MAP2K5: variants seen among roughly 807,000 people sequenced by gnomAD.
MAP2K5 encodes dual specificity mitogen-activated protein kinase kinase 5.
Under a neutral mutation model 83.1 loss-of-function variants are expected in MAP2K5, and 49 were observed. The observed-to-expected ratio is 0.59, with a 90% CI of 0.47 to 0.75. The LOEUF (loss-of-function observed/expected upper bound fraction) is 0.75, where lower values mean the gene tolerates loss of function less well. Among genes scored for constraint, MAP2K5 ranks in the 30% least tolerant of loss-of-function variants. MAP2K5 has a pLI of 0.00. For synonymous variants in MAP2K5, 202 were observed against 191.8 expected (o/e 1.05, Z -0.44); for missense variants, 457 against 557.5 (o/e 0.82, Z 1.82).
chr15:67,701,301 T>C (rs1252956421), intron 15 of MAP2K5, among the ~76,000 whole-genome samples: 1 of 152,234 alleles, frequency 6.6e-6, no homozygotes, highest in Admixed American at 6.5e-5. Flanking sequence ...AAGGAACTTA[T>C]TTGTTCATGC....
intron 19 of MAP2K5, among the ~76,000 whole-genome samples, chr15:67,754,148 G>A (rs550281603): frequency 7.4e-4 from 112 of 152,326 alleles, no homozygotes; most frequent in African/African-American, 2.6e-3. Context: ...GGGGAGAAGG[G>A]AATTGAGAAT....
At chr15:67,557,273 C>T (rs1405744204) in intron 2 of MAP2K5, among the ~76,000 whole-genome samples, 2 of 152,128 alleles carry the variant, frequency 1.3e-5, no homozygotes, top group South Asian at 2.1e-4. Context: ...GATTGGTGTT[C>T]GTGGACAGTA....
intron 17 of MAP2K5, among the ~76,000 whole-genome samples, chr15:67,739,689 C>T (rs1477268480): frequency 1.3e-5 from 2 of 151,388 alleles, no homozygotes; most frequent in African/African-American, 4.9e-5. Context: ...CCATGTTGGG[C>T]AGGCTGATCT....
In MAP2K5 at chr15:67,559,727, T is replaced by G. The variant is rs1336604073; in HGVS notation, c.185-3556T>G. Among the ~76,000 whole-genome samples, 1 of 152,180 alleles carries G rather than the reference T, an allele frequency of 6.6e-6. No individual in the cohort carries two copies. Among genetic ancestry groups the G allele is most frequent in the Admixed American group, 6.5e-5 (1 of 15,286 alleles). ...TCCCTAATGTGCTGGAAAATCATAT[T>G]ACTATGCTCCAGGCAACTAGAGAAG... is the stretch of plus-strand genomic sequence containing the variant. On this transcript the variant is annotated intron_variant, in intron 2 of 21. Transcript: ENST00000178640. This position sits in a 1 kb window ranked among gnomAD's most constrained non-coding sequence, Gnocchi z 4.7.
In MAP2K5 at chr15:67,772,671, C is replaced by A. The variant is rs1390112537; in HGVS notation, c.1197-36C>A. 2.8e-6 allele frequency: 4 copies of A among 1,417,084 alleles called. No homozygotes were observed. The South Asian group carries it at 4.2e-5, about 15-fold the overall frequency. The allele number at this position is 1,417,084 out of a possible 1,614,324, so 87.8% of individuals were successfully genotyped here. On this transcript the variant is annotated intron_variant, in intron 20 of 21. Coordinates refer to ENST00000178640, the MANE Select transcript of MAP2K5 (RefSeq NM_145160.3). Reference sequence around the variant, plus strand: ...TTATAGCAAAAATATACAAATGACACAGATAACATAAGGGGTTTTTTTCTC... The same window carrying A: ...TTATAGCAAAAATATACAAATGACAAAGATAACATAAGGGGTTTTTTTCTC...
chr15:67,704,612 T>C (rs1202549486), intron 16 of MAP2K5, among the ~76,000 whole-genome samples: 2 of 152,222 alleles, frequency 1.3e-5, no homozygotes, highest in African/African-American at 4.8e-5. Flanking sequence ...TTAAATCATA[T>C]TCTTCTGCTT....
chr15:67,614,805 A>C (rs1158866540), intron 8 of MAP2K5, among the ~76,000 whole-genome samples: 1 of 152,220 alleles, frequency 6.6e-6, no homozygotes, highest in Non-Finnish European at 1.5e-5. Context: ...GTAAACAGAA[A>C]GAAGAAATGG....
intron 6 of MAP2K5, 25 bp from the exon 7 acceptor site, chr15:67,592,901 A>G (rs1176266093): frequency 4.4e-6 from 7 of 1,580,064 alleles, no homozygotes; most frequent in Non-Finnish European, 6.1e-6. Flanking sequence ...TGATCTTGCC[A>G]CTAAAAATTA....
At chr15:67,791,245 AG>A (rs1222170185) in intron 21 of MAP2K5, among the ~76,000 whole-genome samples, 1 of 152,194 alleles carries the variant, frequency 6.6e-6, no homozygotes, top group African/African-American at 2.4e-5. Context: ...AAACAGGAAA[AG>A]GGGCATTGGA....
At chr15:67,632,868 A>G (rs1340740430) in intron 9 of MAP2K5, among the ~76,000 whole-genome samples, 1 of 152,252 alleles carries the variant, frequency 6.6e-6, no homozygotes, top group Non-Finnish European at 1.5e-5. Flanking sequence ...TATCACATCT[A>G]GTACAGCACC....
intron 3 of MAP2K5, among the ~76,000 whole-genome samples, chr15:67,568,745 T>G (rs1390802901): frequency 6.6e-6 from 1 of 151,890 alleles, no homozygotes; most frequent in Admixed American, 6.6e-5. Context: ...GGTGGCTCAC[T>G]CCTGTAATCC....
At chr15:67,627,757 A>G in intron 8 of MAP2K5, 1 of 299,616 alleles carries the variant, frequency 3.3e-6, no homozygotes. Flanking sequence ...TGTAAATTAT[A>G]TCTCAATAAA....
At position 67,777,930 on chromosome 15, in the gene MAP2K5, A is replaced by C. The variant is rs1052974800; in HGVS notation, c.1242+5178A>C. On this transcript the variant is annotated intron_variant, in intron 21 of 21. Coordinates refer to ENST00000178640, the MANE Select transcript of MAP2K5 (RefSeq NM_145160.3). This position sits in a 1 kb window ranked among gnomAD's most constrained non-coding sequence, Gnocchi z 6.0. ...AAATTTGACATTTTGCTTAGACAGC[A>C]AGTAAATAGTGGCATTAGAAATACA... is the stretch of plus-strand genomic sequence containing the variant. Among the ~76,000 whole-genome samples the C allele has an allele frequency of 1.1e-4, 16 of 152,358 alleles. No homozygotes were observed. The highest frequency in any genetic ancestry group is 3.8e-4 in the African/African-American group (16 of 41,584).
intron 21 of MAP2K5, among the ~76,000 whole-genome samples, chr15:67,792,020 A>G (rs2090526545): frequency 6.6e-6 from 1 of 152,224 alleles, no homozygotes; most frequent in Non-Finnish European, 1.5e-5. Context: ...CACCAGGCAG[A>G]GGAGGGGCAG....
At chr15:67,655,610 A>T (rs1185999789) in intron 11 of MAP2K5, among the ~76,000 whole-genome samples, 3 of 152,058 alleles carry the variant, frequency 2.0e-5, no homozygotes, top group Non-Finnish European at 2.9e-5. Flanking sequence ...TTGTAATTGA[A>T]ATGTCACTTC....
intron 21 of MAP2K5, among the ~76,000 whole-genome samples, 188 bp from the exon 22 acceptor site, chr15:67,806,458 C>T (rs2090809296): frequency 6.6e-6 from 1 of 152,200 alleles, no homozygotes; most frequent in African/African-American, 2.4e-5. Context: ...TGCTGACTAC[C>T]AGTATGTCAC....
intron 19 of MAP2K5, among the ~76,000 whole-genome samples, chr15:67,753,950 A>G (rs989870859): frequency 6.6e-6 from 1 of 152,272 alleles, no homozygotes; most frequent in East Asian, 1.9e-4. Flanking sequence ...CGTAGAAAGA[A>G]TCCAGAAGTT....
chr15:67,598,940 T>C (rs2141023451), intron 7 of MAP2K5, among the ~76,000 whole-genome samples: 1 of 152,334 alleles, frequency 6.6e-6, no homozygotes, highest in Non-Finnish European at 1.5e-5. Flanking sequence ...GTTACGGACA[T>C]GTTTAGATTA....
intron 7 of MAP2K5, among the ~76,000 whole-genome samples, chr15:67,597,835 A>G (rs1425036886): frequency 6.6e-6 from 1 of 152,164 alleles, no homozygotes; most frequent in Non-Finnish European, 1.5e-5. Context: ...TTACATGAGG[A>G]GTATTTGTAC....
Sources: allele counts gnomAD v4.1 joint callset (sites outside exome capture counted in the v4.1 genomes callset), GRCh38; gene constraint gnomAD v4.1.1; non-coding constraint Gnocchi (gnomAD v3.1); transcripts MANE v1.5; gene names NCBI Gene and HGNC (gene_info 2026-07-23, HGNC 2026-07-21).